SRFBP1: variants seen among roughly 807,000 people sequenced by gnomAD.
SRFBP1 encodes serum response factor-binding protein 1.
Under a neutral mutation model 45.5 loss-of-function variants are expected in SRFBP1, and 47 were observed. The ratio of observed to expected loss-of-function variants is 1.03; its 90% CI spans 0.82 to 1.32. The LOEUF is 1.32. Ranked by LOEUF, SRFBP1 falls within the 40% of genes most tolerant of loss-of-function variation. The probability of loss-of-function intolerance (pLI) is 0.00; values close to 1 mark genes in which losing one functional copy is unlikely to be tolerated. For missense variants in SRFBP1, 621 were observed against 484.6 expected, an observed-to-expected ratio of 1.28 and a Z score of -2.64; for synonymous variants, 203 against 166.3, an observed-to-expected ratio of 1.22 and a Z score of -1.70.
downstream of SRFBP1, chr5:122,075,703 G>C: frequency 4.3e-6 from 2 of 464,342 alleles, no homozygotes; most frequent in African/African-American, 2.0e-5. Flanking sequence ...GTTCATTGCT[G>C]AATCCAAAGC....
rs986533602 is a variant in SRFBP1, at chr5:122,033,972, C to T, written n.311+11565C>T. 2.0e-5 allele frequency among the ~76,000 whole-genome samples: 3 copies of T among 151,070 alleles called. No homozygotes were observed. In the South Asian group the frequency reaches 6.3e-4, roughly 32 times the overall value. ...CTGGGTAGCTGGGATTACAGGCACA[C>T]GCCACCACGCCCAGCTAATTTTCGG... On this transcript the variant is annotated intron_variant and non_coding_transcript_variant, in intron 2 of 2. Coordinates refer to the SRFBP1 transcript ENST00000504881.
At chr5:121,986,919 A>G (rs1449588818) in intron 3 of SRFBP1, among the ~76,000 whole-genome samples, 2 of 152,130 alleles carry the variant, frequency 1.3e-5, no homozygotes, top group African/African-American at 2.4e-5. Flanking sequence ...AGGTGATTCT[A>G]TGTAGAACTG....
chr5:121,977,101 A>C (rs1393879956), intron 3 of SRFBP1, among the ~76,000 whole-genome samples: 2 of 152,036 alleles, frequency 1.3e-5, no homozygotes, highest in Non-Finnish European at 2.9e-5. Flanking sequence ...CTCATCAGCA[A>C]AGGGAAATCT....
intron 4 of SRFBP1, among the ~76,000 whole-genome samples, chr5:121,997,375 T>G (rs890833200): frequency 6.6e-6 from 1 of 151,334 alleles, no homozygotes; most frequent in Non-Finnish European, 1.5e-5. Flanking sequence ...CCTATAACTG[T>G]CTGATCTTTG....
chr5:121,978,029 T>G (rs565708114), intron 3 of SRFBP1, among the ~76,000 whole-genome samples: 2 of 152,300 alleles, frequency 1.3e-5, no homozygotes, highest in African/African-American at 4.8e-5. Context: ...CACTTATAGA[T>G]CAGTAAGTTA....
chr5:122,055,180 CCTCA>C (rs1754058051), intron 2 of SRFBP1, among the ~76,000 whole-genome samples: 1 of 152,226 alleles, frequency 6.6e-6, no homozygotes, highest in Admixed American at 6.5e-5. Context: ...AGGGCCCAGT[CCTCA>C]CTCATGATGC....
chr5:121,985,812 G>A (rs535457088), intron 3 of SRFBP1, among the ~76,000 whole-genome samples: 47 of 151,916 alleles, frequency 3.1e-4, no homozygotes, highest in African/African-American at 1.1e-3. Context: ...TTTTGTGGGG[G>A]GTTGGGGGAT....
At chr5:122,005,505 G>A (rs985204414) in intron 4 of SRFBP1, among the ~76,000 whole-genome samples, 7 of 151,708 alleles carry the variant, frequency 4.6e-5, no homozygotes, top group Admixed American at 1.3e-4. Flanking sequence ...TCATTTCTTC[G>A]CTTTTAGTCT....
At chr5:122,019,999 T>C (rs1323931154) in intron 5 of SRFBP1, 89 bp from the exon 6 acceptor site, 11 of 860,500 alleles carry the variant, frequency 1.3e-5, no homozygotes, top group Non-Finnish European at 1.9e-5. Flanking sequence ...CTTAAATCTT[T>C]TCAAATAATT....
intron 2 of SRFBP1, among the ~76,000 whole-genome samples, chr5:122,040,068 ATT>A (rs1753749851): frequency 6.6e-6 from 1 of 152,034 alleles, no homozygotes; most frequent in Non-Finnish European, 1.5e-5. Flanking sequence ...TTCCTTAGCT[ATT>A]CTTATACCTT....
intron 2 of SRFBP1, among the ~76,000 whole-genome samples, chr5:122,039,205 A>G (rs566428812): frequency 1.4e-4 from 22 of 152,194 alleles, no homozygotes; most frequent in African/African-American, 5.3e-4. Flanking sequence ...TACTCATCCT[A>G]ATATGCTGGG....
chr5:122,075,851 T>G (rs1263042064), downstream of SRFBP1, among the ~76,000 whole-genome samples: 2 of 152,104 alleles, frequency 1.3e-5, no homozygotes, highest in African/African-American at 4.8e-5. Context: ...GAAGTAAACT[T>G]TAGAATCAAT....
chr5:121,983,473 G>A (rs1401254474), intron 3 of SRFBP1, among the ~76,000 whole-genome samples: 1 of 151,720 alleles, frequency 6.6e-6, no homozygotes. Context: ...CATTAAACAA[G>A]CTATTTTGCC....
intron 4 of SRFBP1, among the ~76,000 whole-genome samples, chr5:122,009,264 G>A (rs376764379): frequency 3.9e-5 from 6 of 152,070 alleles, no homozygotes; most frequent in African/African-American, 1.4e-4. Context: ...ATTTATACGA[G>A]TTCTTTAGAT....
intron 4 of SRFBP1, among the ~76,000 whole-genome samples, chr5:122,011,390 T>C (rs1215888736): frequency 6.6e-6 from 1 of 152,086 alleles, no homozygotes. Flanking sequence ...TGGCAAACAT[T>C]ATGTCAACTT....
downstream of SRFBP1, among the ~76,000 whole-genome samples, chr5:122,029,158 G>A (rs559944785): frequency 6.6e-6 from 1 of 152,104 alleles, no homozygotes; most frequent in Non-Finnish European, 1.5e-5. Flanking sequence ...ACATCTAGCA[G>A]ATATAGGCCT....
chr5:122,016,819 T>C (rs1753201952), intron 4 of SRFBP1, among the ~76,000 whole-genome samples: 1 of 152,180 alleles, frequency 6.6e-6, no homozygotes, highest in Non-Finnish European at 1.5e-5. Context: ...GAATGGTCCA[T>C]GAGTAGACGA....
At chr5:121,988,547 T>C (rs1752562720) in intron 3 of SRFBP1, among the ~76,000 whole-genome samples, 1 of 152,220 alleles carries the variant, frequency 6.6e-6, no homozygotes, top group African/African-American at 2.4e-5. Context: ...GGTAACAACA[T>C]GTTCAAAGTG....
Position 122,066,715 on chromosome 5 carries a change from T to TTATC in SRFBP1, n.312-8599_312-8596dup, listed in dbSNP as rs775502043. On this transcript the variant is annotated intron_variant and non_coding_transcript_variant, in intron 2 of 2. Coordinates refer to the SRFBP1 transcript ENST00000504881. ...CCACTTCAGAACACCAGGCACTGAT[T>TTATC]TATCCATTGGGAGTTTTGCTTTGCC... 61 of 1,593,662 alleles carry TTATC rather than the reference T, an allele frequency of 3.8e-5. No homozygotes were observed. The East Asian group carries it at 1.3e-3, about 33-fold the overall frequency.
Sources: allele counts gnomAD v4.1 joint callset (sites outside exome capture counted in the v4.1 genomes callset), GRCh38; gene constraint gnomAD v4.1.1; transcripts MANE v1.5; gene names NCBI Gene and HGNC (gene_info 2026-07-23, HGNC 2026-07-21).